The following CHD3 variants were observed in gnomAD, a reference collection of about 807,000 sequenced individuals.
The protein encoded by CHD3 is ATP-dependent chromatin remodeler CHD3.
A neutral mutation model predicts 248.9 loss-of-function variants in CHD3; 52 were observed. That is an observed-to-expected ratio of 0.21 (90% confidence interval 0.17 to 0.26). The LOEUF (loss-of-function observed/expected upper bound fraction) is 0.26, where lower values mean the gene tolerates loss of function less well. Among genes scored for constraint, CHD3 ranks in the 10% least tolerant of loss-of-function variants. The pLI, the probability that CHD3 is intolerant of heterozygous loss-of-function variation, is 1.00. For missense variants in CHD3, 1,482 were observed against 2,605.8 expected (o/e 0.57, Z 9.39); for synonymous variants, 985 against 985.2 (o/e 1.00, Z 0.00).
Position 7,911,556 on chromosome 17 carries a change from G to A in CHD3, c.5974G>A (p.Ala1992Thr). The change falls in exon 40 of 40, where the codon GCC (alanine) becomes ACC (threonine). Residue 1992 changes from alanine to threonine, a missense_variant. Physicochemically the swap from Ala to Thr is moderately conservative, Grantham distance 58. This residue lies in a region of CHD3 where 117 missense variants were observed against 137.2 expected (regional missense o/e 0.85). Coordinates refer to ENST00000330494, the MANE Select transcript of CHD3 (RefSeq NM_001005273.3). This position sits in a 1 kb window ranked among gnomAD's most constrained non-coding sequence, Gnocchi z 5.4. ...SDGLDRKEPR[A>T]GEVICIDD ...CGGGCTGGATCGGAAGGAGCCCCGA[G>A]CCGGGGAGGTGATCTGTATAGACGA... 6.2e-7 allele frequency: 1 copy of A among 1,614,180 alleles called. No individual in the cohort carries two copies. The highest frequency in any genetic ancestry group is 8.5e-7 in the Non-Finnish European group (1 of 1,180,004).
rs772543789 is a variant in CHD3 at position 7,904,524 on chromosome 17, A to G, written c.3977A>G (p.Tyr1326Cys). 1.2e-6 allele frequency: 2 copies of G among 1,614,114 alleles called. No individual in the cohort carries two copies. Among genetic ancestry groups the G allele is most frequent in the South Asian group, 1.1e-5 (1 of 91,080 alleles). ...DYWEKLLRHHYEQQQEDLARN... is the reference protein window; with the variant it reads ...DYWEKLLRHHCEQQQEDLARN... Reference sequence around the variant, plus strand: ...TGGGAGAAGCTGCTGAGGCATCACTATGAGCAACAGCAGGAAGACCTAGCC... The same window carrying G: ...TGGGAGAAGCTGCTGAGGCATCACTGTGAGCAACAGCAGGAAGACCTAGCC... Residue 1326 changes from tyrosine to cysteine, a missense_variant, in exon 25 of 40, where the codon TAT becomes TGT. Around this residue, in one of 20 missense-constraint regions of CHD3, gnomAD observed 156 missense variants for 420.3 expected, o/e 0.37. Coordinates refer to ENST00000330494, the MANE Select transcript of CHD3 (RefSeq NM_001005273.3). The surrounding 1 kb of genome is among the most constrained non-coding windows in gnomAD (Gnocchi z 4.4).
In CHD3 at chr17:7,899,311, A is replaced by T; in HGVS notation, c.2344-32A>T. The T allele has an allele frequency of 1.2e-6, 2 of 1,612,052 alleles. No individual in the cohort carries two copies. Among genetic ancestry groups the T allele is most frequent in the South Asian group, 1.1e-5 (1 of 91,046 alleles). On this transcript the variant is annotated intron_variant, in intron 14 of 39. Coordinates refer to ENST00000330494, the MANE Select transcript of CHD3 (RefSeq NM_001005273.3). This position sits in a 1 kb window ranked among gnomAD's most constrained non-coding sequence, Gnocchi z 6.8. ...GACTAGGGTATACGGCCTCTAGCCT[A>T]GACTTATGCTGCCCCCATTCTTGAC... is the stretch of plus-strand genomic sequence containing the variant.
Position 7,907,288 on chromosome 17 carries a change from G to A in CHD3, c.4788+41G>A, listed in dbSNP as rs1971089193. On this transcript the variant is annotated intron_variant, in intron 31 of 39. Transcript: ENST00000330494. The surrounding 1 kb of genome is among the most constrained non-coding windows in gnomAD (Gnocchi z 4.3). ...GATTCCCCTGTGGAGCGGGAGGGGAGGGGGCTTGGAGGCCAGGTACCTGGG... is the reference window on the plus strand; with the variant it reads ...GATTCCCCTGTGGAGCGGGAGGGGAAGGGGCTTGGAGGCCAGGTACCTGGG... 3 of 1,613,860 alleles carry A rather than the reference G, an allele frequency of 1.9e-6. No homozygotes were observed. Among genetic ancestry groups the A allele is most frequent in the East Asian group, 4.5e-5 (2 of 44,872 alleles).
rs750972677 is a variant in CHD3, at chr17:7,896,227, C to CAAA, written c.1707+708_1707+710dup. Among the ~76,000 whole-genome samples, 18 of 57,912 alleles carry CAAA rather than the reference C, an allele frequency of 3.1e-4. No individual in the cohort carries two copies. In the East Asian group the frequency reaches 5.7e-3, roughly 18 times the overall value. The allele number at this position is 57,912 out of a possible 152,430, so 38.0% of individuals were successfully genotyped here. A position where few individuals can be genotyped will look rare whatever the true frequency, so the allele number is the denominator to read the frequency against. The stretch of plus-strand genomic sequence containing the variant: ...TGGGCGACAGAGCGACACTCTATCT[C>CAAA]AAAAAAAAAAAAAAAAAAAAAAAAA... On this transcript the variant is annotated intron_variant, in intron 10 of 39. Coordinates refer to ENST00000330494, the MANE Select transcript of CHD3 (RefSeq NM_001005273.3).
Position 7,910,043 on chromosome 17 carries a change from A to G in CHD3, c.5591-385A>G, listed in dbSNP as rs1012330039. The stretch of plus-strand genomic sequence containing the variant: ...TTACCACCTCCCATGCCTCCTGACT[A>G]TTTCCTCCCCATCATCCCCAACCCC... On this transcript the variant is annotated intron_variant, in intron 37 of 39. Transcript: ENST00000330494. The surrounding 1 kb of genome is among the most constrained non-coding windows in gnomAD (Gnocchi z 4.7). 10 of 312,172 alleles carry G rather than the reference A, an allele frequency of 3.2e-5. No individual in the cohort carries two copies. Among genetic ancestry groups the G allele is most frequent in the Non-Finnish European group, 6.1e-5 (10 of 163,482 alleles). 19.3% of individuals were successfully genotyped at this position (312,172 alleles called of 1,614,324 possible).
In CHD3 at chr17:7,891,059, C is replaced by T; in HGVS notation, c.504C>T (p.Phe168=). Residue 168 remains phenylalanine (F), a synonymous_variant, in exon 4 of 40, where the codon TTC becomes TTT. Coordinates refer to ENST00000330494, the MANE Select transcript of CHD3 (RefSeq NM_001005273.3). The stretch of plus-strand genomic sequence containing the variant: ...CCAACTACAAAGCCTTCAGCCAGTT[C>T]ATGAGGTGCGGTAAGACTGGGGAAT... The part of the protein sequence containing the change: ...TLTNYKAFSQ[F]MRPLIAKKNP... 6.2e-7 allele frequency: 1 copy of T among 1,614,060 alleles called. No individual in the cohort carries two copies. Among genetic ancestry groups the T allele is most frequent in the Non-Finnish European group, 8.5e-7 (1 of 1,179,948 alleles).
chr17:7,907,677 G>A lies in CHD3; in HGVS notation c.5001G>A (p.Gly1667=), dbSNP rs752312375. ...DGQEHRERPE[G]ETGDLGKRED... ...AGGAACACAGGGAGAGGCCGGAGGG[G>A]GAAACAGGGGATTTGGGCAAGAGAG... Residue 1667 remains glycine, a synonymous_variant, in exon 33 of 40, where the codon GGG becomes GGA. Coordinates refer to ENST00000330494, the MANE Select transcript of CHD3 (RefSeq NM_001005273.3). This position sits in a 1 kb window ranked among gnomAD's most constrained non-coding sequence, Gnocchi z 4.3. 9.1e-6 allele frequency: 14 copies of A among 1,535,846 alleles called. No individual in the cohort carries two copies. Among genetic ancestry groups the A allele is most frequent in the East Asian group, 2.3e-5 (1 of 43,206 alleles).
chr17:7,894,875 A>G, intron 8 of CHD3, 42 bp from the exon 9 acceptor site: 1 of 1,604,734 alleles, frequency 6.2e-7, no homozygotes, highest in Non-Finnish European at 8.5e-7. Context: ...TTCATTCCTT[A>G]ATTTCTTCCA....
At chr17:7,885,781 G>C (rs1715225807), upstream of CHD3, among the ~76,000 whole-genome samples, 1 of 152,208 alleles carries the variant, frequency 6.6e-6, no homozygotes, top group Non-Finnish European at 1.5e-5. Flanking sequence ...GCGAGGGAGG[G>C]GTCTTGTGAA....
Position 7,891,035 on chromosome 17 carries a change from C to G in CHD3, c.480C>G (p.Thr160=). The change falls in exon 4 of 40, where the codon ACC becomes ACG. Residue 160 remains threonine, a synonymous_variant. Coordinates refer to ENST00000330494, the MANE Select transcript of CHD3 (RefSeq NM_001005273.3). ...VFSEEDYHTL[T]NYKAFSQFMR... The stretch of plus-strand genomic sequence containing the variant: ...CTGAGGAGGATTACCACACGCTCAC[C>G]AACTACAAAGCCTTCAGCCAGTTCA... The G allele has an allele frequency of 6.2e-7, 1 of 1,614,100 alleles. No individual in the cohort carries two copies. Among genetic ancestry groups the G allele is most frequent in the Non-Finnish European group, 8.5e-7 (1 of 1,180,008 alleles).
At position 7,895,580 on chromosome 17, in the gene CHD3, C is replaced by G; in HGVS notation, c.1707+38C>G. The G allele has an allele frequency of 1.3e-6, 2 of 1,539,454 alleles. No homozygotes were observed. The highest frequency in any genetic ancestry group is 1.8e-6 in the Non-Finnish European group (2 of 1,114,418). On this transcript the variant is annotated intron_variant, in intron 10 of 39. Coordinates refer to ENST00000330494, the MANE Select transcript of CHD3 (RefSeq NM_001005273.3). The surrounding 1 kb of genome is among the most constrained non-coding windows in gnomAD (Gnocchi z 4.9). ...TTTCTTTCCCTCTCCCCCATGACCT[C>G]ATTTCCTGCCATCCTCTCCCTCTCT... is the stretch of plus-strand genomic sequence containing the variant.
chr17:7,901,392 G>T lies in CHD3; in HGVS notation c.3252+17G>T. The T allele has an allele frequency of 6.3e-7, 1 of 1,577,204 alleles. No individual in the cohort carries two copies. Among genetic ancestry groups the T allele is most frequent in the Admixed American group, 1.8e-5 (1 of 56,258 alleles). ...TTCTCGCAGGTGACCTGTGCCCTTA[G>T]CTGTCTTTACATCTGCTTCCTCTTC... is the stretch of plus-strand genomic sequence containing the variant. On this transcript the variant is annotated intron_variant, in intron 20 of 39. Transcript: ENST00000330494.
At chr17:7,896,294 A>G (rs2151529461) in intron 10 of CHD3, among the ~76,000 whole-genome samples, 1 of 151,200 alleles carries the variant, frequency 6.6e-6, no homozygotes, top group South Asian at 2.1e-4. Flanking sequence ...CTTGCTTGTA[A>G]GAGCCCCACC....
chr17:7,890,687 A>T lies in CHD3; in HGVS notation c.330A>T (p.Lys110Asn). 3 of 1,603,198 alleles carry T rather than the reference A, an allele frequency of 1.9e-6. No individual in the cohort carries two copies. Among genetic ancestry groups the T allele is most frequent in the Non-Finnish European group, 2.6e-6 (3 of 1,175,928 alleles). ...AACGAAGAAGGAAGCACCGAGAAAA[A>T]AAGGAGAAGAAGACAAAGCGGCGGA... ...GRKRRRKHRE[K>N]KEKKTKRRKK... is the part of the protein sequence containing the mutation. The change falls in exon 3 of 40, where the codon AAA (lysine) becomes AAT (asparagine). Residue 110 changes from lysine (K) to asparagine (N), a missense_variant. By Grantham distance (94) the Lys-to-Asn change is moderately conservative. Around this residue, in one of 20 missense-constraint regions of CHD3, gnomAD observed 169 missense variants for 168.1 expected, o/e 1.01. Transcript: ENST00000330494.
In CHD3 at chr17:7,903,776, T is replaced by C; in HGVS notation, c.3728-49T>C. ...CAGAGTAGAAGCTTTCCCATCAGCCTTTCTAAACTTTGGAACCCAAAGTTC... is the reference window on the plus strand; with the variant it reads ...CAGAGTAGAAGCTTTCCCATCAGCCCTTCTAAACTTTGGAACCCAAAGTTC... On this transcript the variant is annotated intron_variant, in intron 23 of 39. Transcript: ENST00000330494. This position sits in a 1 kb window ranked among gnomAD's most constrained non-coding sequence, Gnocchi z 6.8. 2 of 1,599,026 alleles carry C rather than the reference T, an allele frequency of 1.3e-6. No homozygotes were observed. Among genetic ancestry groups the C allele is most frequent in the Non-Finnish European group, 1.7e-6 (2 of 1,168,706 alleles).
intron 13 of CHD3, among the ~76,000 whole-genome samples, 199 bp from the exon 14 acceptor site, chr17:7,898,812 C>G (rs1321986273): frequency 6.6e-6 from 1 of 152,138 alleles, no homozygotes; most frequent in Non-Finnish European, 1.5e-5. Context: ...ACCAGCTGGC[C>G]CTTCCCCATG....
In CHD3 at chr17:7,906,085, C is replaced by A; in HGVS notation, c.4358+96C>A. On this transcript the variant is annotated intron_variant, in intron 28 of 39. Transcript: ENST00000330494. The surrounding 1 kb of genome is among the most constrained non-coding windows in gnomAD (Gnocchi z 5.0). ...GGCCGCCATATGATGTGACCTTACT[C>A]AACTGATTATCACCCTCCCTGTCAT... 1 of 1,521,772 alleles carries A rather than the reference C, an allele frequency of 6.6e-7. No homozygotes were observed. The highest frequency in any genetic ancestry group is 9.1e-7 in the Non-Finnish European group (1 of 1,104,604). 94.3% of individuals were successfully genotyped at this position (1,521,772 alleles called of 1,614,324 possible). A position where few individuals can be genotyped will look rare whatever the true frequency, so the allele number is the denominator to read the frequency against.
At chr17:7,898,829 C>T (rs1969990025) in intron 13 of CHD3, among the ~76,000 whole-genome samples, 182 bp from the exon 14 acceptor site, 1 of 152,112 alleles carries the variant, frequency 6.6e-6, no homozygotes, top group South Asian at 2.1e-4. Context: ...CATGGTGCTG[C>T]TGGATATTGT....
rs747150252 is a variant in CHD3 at position 7,905,113 on chromosome 17, G to A, written c.4086G>A (p.Glu1362=). ...CCACCCCCACAGACAACCAGTCAGA[G>A]TACTCGGTGGGTTCAGAGGAGGAGG... ...AAQEDQDNQS[E]YSVGSEEEDE... is the part of the protein sequence containing the mutation. Residue 1362 remains glutamate, a synonymous_variant, in exon 26 of 40, where the codon GAG becomes GAA. Transcript: ENST00000330494. This position sits in a 1 kb window ranked among gnomAD's most constrained non-coding sequence, Gnocchi z 5.8. 2 of 1,614,202 alleles carry A rather than the reference G, an allele frequency of 1.2e-6. No individual in the cohort carries two copies. The highest frequency in any genetic ancestry group is 2.2e-5 in the South Asian group (2 of 91,076).
Sources: gnomAD v4.1 joint callset for allele counts (sites outside exome capture counted in the v4.1 genomes callset) on GRCh38, gnomAD v4.1.1 for gene constraint, gnomAD v4.1.1 regional missense constraint, Gnocchi (gnomAD v3.1) non-coding constraint, MANE v1.5 for transcripts, NCBI Gene and HGNC (gene_info 2026-07-23, HGNC 2026-07-21) for gene names.